The following CMSS1 variants were observed in gnomAD, a reference collection of about 807,000 sequenced individuals.
CMSS1 encodes the protein protein CMSS1.
CMSS1 carries 33 observed loss-of-function variants against 43.5 expected under a neutral mutation model. The observed-to-expected ratio is 0.76, with a 90% confidence interval of 0.57 to 1.01. The LOEUF (loss-of-function observed/expected upper bound fraction) is 1.01. Among genes scored for constraint, CMSS1 ranks in the 50% least tolerant of loss-of-function variants. The pLI is 0.00. For missense variants in CMSS1, 313 were observed against 326.4 expected (o/e 0.96, Z 0.32); for synonymous variants, 115 against 117.2 (o/e 0.98, Z 0.12).
At position 100,156,891 on chromosome 3, in the gene CMSS1, A is replaced by G. The variant is rs144567526; in HGVS notation, c.154-3539A>G. ...CGGCCTCCCAAAGTGCTGGGATTAC[A>G]GGTGTGAGCCACCACGCCTGGCTGT... On this transcript the variant is annotated intron_variant, in intron 2 of 9. Coordinates refer to ENST00000421999, the MANE Select transcript of CMSS1 (RefSeq NM_032359.4). 5.3e-3 allele frequency among the ~76,000 whole-genome samples: 814 copies of G among 152,310 alleles called. 7 individuals are homozygous for G. The highest frequency in any genetic ancestry group is 0.019 in the African/African-American group (793 of 41,560).
chr3:99,888,651 T>C (rs1705985238), intron 1 of CMSS1, among the ~76,000 whole-genome samples: 1 of 152,226 alleles, frequency 6.6e-6, no homozygotes, highest in Non-Finnish European at 1.5e-5. Flanking sequence ...AACAATTTTA[T>C]ATACTGGCTG....
At chr3:99,986,201 A>G (rs895069390) in intron 1 of CMSS1, among the ~76,000 whole-genome samples, 1 of 152,248 alleles carries the variant, frequency 6.6e-6, no homozygotes, top group Non-Finnish European at 1.5e-5. Context: ...AGATGTAAAG[A>G]TAGCTTACAT....
At chr3:99,846,559 G>C (rs2107516570) in intron 1 of CMSS1, among the ~76,000 whole-genome samples, 1 of 152,298 alleles carries the variant, frequency 6.6e-6, no homozygotes, top group South Asian at 2.1e-4. Context: ...GGTCACTGTT[G>C]ATTCCTAAGA....
At chr3:99,850,351 T>C (rs771256008) in intron 1 of CMSS1, 3 of 1,613,142 alleles carry the variant, frequency 1.9e-6, no homozygotes, top group South Asian at 1.1e-5. Context: ...TTTCAGAGAG[T>C]AGCATTCTTG....
chr3:99,901,717 T>C (rs941140747), intron 1 of CMSS1, among the ~76,000 whole-genome samples: 1 of 152,218 alleles, frequency 6.6e-6, no homozygotes, highest in Non-Finnish European at 1.5e-5. Context: ...TTTTCCTTTA[T>C]TAACTCTGGA....
intron 1 of CMSS1, among the ~76,000 whole-genome samples, chr3:99,925,383 G>A (rs1355358503): frequency 6.6e-6 from 1 of 152,142 alleles, no homozygotes; most frequent in Non-Finnish European, 1.5e-5. Context: ...TGAAAGCTGG[G>A]CCTACATCCT....
intron 1 of CMSS1, among the ~76,000 whole-genome samples, chr3:100,140,965 A>G (rs2066799523): frequency 1.3e-5 from 2 of 152,214 alleles, no homozygotes; most frequent in Non-Finnish European, 2.9e-5. Context: ...ACAGTGCACC[A>G]TCTACTATAT....
chr3:99,983,688 T>TC (rs1272648022), intron 1 of CMSS1, among the ~76,000 whole-genome samples: 1 of 139,954 alleles, frequency 7.1e-6, no homozygotes, highest in Non-Finnish European at 1.5e-5. Context: ...AGACTCAGTC[T>TC]CAAAAAAAAA....
chr3:100,017,861 T>G (rs1710390541), intron 1 of CMSS1, among the ~76,000 whole-genome samples: 1 of 152,200 alleles, frequency 6.6e-6, no homozygotes. Flanking sequence ...ATCAGCTTTC[T>G]ATTTCTCAGG....
chr3:100,176,908 T>A (rs564743174), intron 9 of CMSS1, among the ~76,000 whole-genome samples: 3 of 152,328 alleles, frequency 2.0e-5, no homozygotes, highest in Admixed American at 2.0e-4. Context: ...TCTCAGTTGA[T>A]CAGAATTGAA....
intron 1 of CMSS1, among the ~76,000 whole-genome samples, chr3:100,063,988 A>C (rs545045876): frequency 2.0e-5 from 3 of 152,334 alleles, no homozygotes; most frequent in Admixed American, 2.0e-4. Flanking sequence ...GAATGTTCAC[A>C]CTTAAGGTTG....
chr3:100,055,297 C>G (rs998314150), intron 1 of CMSS1, among the ~76,000 whole-genome samples: 1 of 152,174 alleles, frequency 6.6e-6, no homozygotes, highest in Non-Finnish European at 1.5e-5. Context: ...TTTAGCATTA[C>G]TGAACACCTC....
intron 1 of CMSS1, among the ~76,000 whole-genome samples, chr3:100,063,690 G>T (rs2065613024): frequency 6.6e-6 from 1 of 152,014 alleles, no homozygotes; most frequent in Admixed American, 6.6e-5. Flanking sequence ...TGGTTAGTGA[G>T]TTGTGTGTGT....
At position 99,818,012 on chromosome 3, in the gene CMSS1, G is replaced by A; in HGVS notation, c.33G>A (p.Glu11=). The stretch of plus-strand genomic sequence containing the variant: ...ACGATCTCGGAGACGAGTGGTGGGA[G>A]AACCAGCCGACTGGAGCAGGCAGCA... MADDLGDEWW[E]NQPTGAGSSP... is the part of the protein sequence containing the mutation. The change falls in exon 1 of 10, where the codon GAG becomes GAA. Residue 11 remains glutamate (E), a synonymous_variant. Transcript: ENST00000421999. 5 of 1,613,956 alleles carry A rather than the reference G, an allele frequency of 3.1e-6. No individual in the cohort carries two copies. The highest frequency in any genetic ancestry group is 4.2e-6 in the Non-Finnish European group (5 of 1,180,004).
intron 1 of CMSS1, among the ~76,000 whole-genome samples, chr3:99,873,880 A>G (rs553686484): frequency 1.4e-4 from 22 of 152,356 alleles, no homozygotes; most frequent in African/African-American, 5.0e-4. Flanking sequence ...ACAAAAGTGC[A>G]AATGAACTTA....
intron 1 of CMSS1, among the ~76,000 whole-genome samples, chr3:99,861,581 T>A (rs1198052680): frequency 6.6e-6 from 1 of 152,196 alleles, no homozygotes; most frequent in Non-Finnish European, 1.5e-5. Flanking sequence ...ATCTGCGTTC[T>A]TCTGTATCTT....
intron 1 of CMSS1, among the ~76,000 whole-genome samples, chr3:100,045,106 G>T (rs992057235): frequency 6.6e-6 from 1 of 152,210 alleles, no homozygotes; most frequent in Non-Finnish European, 1.5e-5. Flanking sequence ...CAGATCTGGC[G>T]CTCACAAGAG....
At chr3:99,983,119 T>C (rs143196149) in intron 1 of CMSS1, among the ~76,000 whole-genome samples, 2 of 152,158 alleles carry the variant, frequency 1.3e-5, no homozygotes, top group African/African-American at 4.8e-5. Flanking sequence ...GCAGTCTTTT[T>C]ACAGCTATTA....
At chr3:100,158,597 G>A (rs987582380) in intron 2 of CMSS1, among the ~76,000 whole-genome samples, 1 of 152,194 alleles carries the variant, frequency 6.6e-6, no homozygotes, top group Non-Finnish European at 1.5e-5. Context: ...GCCAGCTAAA[G>A]TAACTAGTCT....
Sources: gnomAD v4.1 joint callset for allele counts (sites outside exome capture counted in the v4.1 genomes callset) on GRCh38, gnomAD v4.1.1 for gene constraint, MANE v1.5 for transcripts, NCBI Gene and HGNC (gene_info 2026-07-23, HGNC 2026-07-21) for gene names.